NLRP11: variants seen among roughly 807,000 people sequenced by gnomAD.
NLRP11 encodes NLR family pyrin domain containing 11.
Under a neutral mutation model 79.3 loss-of-function variants are expected in NLRP11, and 53 were observed. That is an observed-to-expected ratio of 0.67 (90% CI 0.54 to 0.84). NLRP11 has a LOEUF of 0.84. NLRP11 is among the 40% of genes least tolerant of loss of function. The probability of loss-of-function intolerance (pLI) is 0.00; values close to 1 mark genes in which losing one functional copy is unlikely to be tolerated. For synonymous variants in NLRP11, 518 were observed against 462.6 expected (o/e 1.12, Z -1.54); for missense variants, 1,264 against 1,255.0 (o/e 1.01, Z -0.11).
chr19:55,832,550 T>C (rs1346530450), upstream of NLRP11, among the ~76,000 whole-genome samples: 1 of 152,230 alleles, frequency 6.6e-6, no homozygotes, highest in Admixed American at 6.5e-5. Context: ...TGAAGACTGA[T>C]AGCTCAGTCC....
chr19:55,789,430 G>A, intron 7 of NLRP11, 31 bp from the exon 8 acceptor site: 1 of 1,583,474 alleles, frequency 6.3e-7, no homozygotes, highest in Non-Finnish European at 8.6e-7. Context: ...CTAGAGTCAT[G>A]ACCACCTGTC....
chr19:55,811,202 T>A (rs1023344598), intron 2 of NLRP11, among the ~76,000 whole-genome samples: 1 of 152,120 alleles, frequency 6.6e-6, no homozygotes, highest in Non-Finnish European at 1.5e-5. Context: ...AAGTTAAAAT[T>A]TATCGTAAAG....
At chr19:55,822,655 C>G (rs1203369616) in intron 1 of NLRP11, among the ~76,000 whole-genome samples, 1 of 150,484 alleles carries the variant, frequency 6.6e-6, no homozygotes, top group South Asian at 2.1e-4. Context: ...GGGTGACGGA[C>G]GCACCTGGAA....
intron 1 of NLRP11, among the ~76,000 whole-genome samples, chr19:55,827,286 A>T (rs2122926188): frequency 6.8e-6 from 1 of 146,476 alleles, no homozygotes; most frequent in East Asian, 2.2e-4. Flanking sequence ...AAAGATTTAA[A>T]CGTTAGACCT....
rs200170192 is a variant in NLRP11 at position 55,824,819 on chromosome 19, G to A, written c.-62-6583C>T. 1.4e-4 allele frequency among the ~76,000 whole-genome samples: 14 copies of A among 99,578 alleles called. 1 individual carries two copies. The highest frequency in any genetic ancestry group is 2.9e-4 in the Admixed American group (3 of 10,200). The allele number at this position is 99,578 out of a possible 152,430, so 65.3% of individuals were successfully genotyped here. ...CTCCCACGCATTAATAATGGGAGACGTTAACACCCCACTGTCAACATTAGA... is the reference window on the plus strand; with the variant it reads ...CTCCCACGCATTAATAATGGGAGACATTAACACCCCACTGTCAACATTAGA... On this transcript the variant is annotated intron_variant, in intron 1 of 9. Coordinates refer to ENST00000589093, the Ensembl canonical transcript of NLRP11.
At chr19:55,827,928 ATGACTATAAATCATGC>A (rs1303481866) in intron 1 of NLRP11, among the ~76,000 whole-genome samples, 2 of 151,930 alleles carry the variant, frequency 1.3e-5, no homozygotes, top group Non-Finnish European at 2.9e-5. Context: ...ATATACCCAA[ATGACTATAAATCATGC>A]TGCTATAAAG....
At chr19:55,786,933 T>G (rs1319259959) in intron 9 of NLRP11, among the ~76,000 whole-genome samples, 1 of 152,222 alleles carries the variant, frequency 6.6e-6, no homozygotes, top group Non-Finnish European at 1.5e-5. Flanking sequence ...TCCATATTTA[T>G]GAAAAAATTA....
intron 2 of NLRP11, among the ~76,000 whole-genome samples, chr19:55,814,927 A>G (rs1980943195): frequency 6.6e-6 from 1 of 152,246 alleles, no homozygotes; most frequent in Admixed American, 6.5e-5. Flanking sequence ...AGTGAGCAAG[A>G]GTCCCCACGG....
At chr19:55,788,078 G>T (rs780853537) in intron 9 of NLRP11, among the ~76,000 whole-genome samples, 2 of 152,174 alleles carry the variant, frequency 1.3e-5, no homozygotes, top group African/African-American at 2.4e-5. Context: ...CAAGTTGGTG[G>T]TAACATACTT....
intron 6 of NLRP11, 93 bp downstream of exon 6, chr19:55,795,987 T>C: frequency 2.6e-6 from 3 of 1,155,446 alleles, no homozygotes; most frequent in Non-Finnish European, 3.8e-6. Context: ...TTTGCTTTGC[T>C]GTCCCTTTCC....
chr19:55,796,327 A>AAAG, intron 5 of NLRP11, 77 bp from the exon 6 acceptor site: 3 of 1,170,746 alleles, frequency 2.6e-6, no homozygotes, highest in Non-Finnish European at 3.6e-6. Context: ...AAAAAAAAAA[A>AAAG]AGAGAGACCT....
At chr19:55,794,885 A>G (rs550119683) in intron 6 of NLRP11, among the ~76,000 whole-genome samples, 87 of 152,342 alleles carry the variant, frequency 5.7e-4, no homozygotes, top group African/African-American at 2.0e-3. Context: ...AAAGAATATT[A>G]TATCAGTTTG....
chr19:55,817,411 A>G (rs1479836741), intron 2 of NLRP11, among the ~76,000 whole-genome samples: 3 of 152,116 alleles, frequency 2.0e-5, no homozygotes, highest in Non-Finnish European at 4.4e-5. Context: ...AAAAATATGG[A>G]ACCAGCCCAA....
At chr19:55,796,955 C>A (rs1417022341) in intron 5 of NLRP11, among the ~76,000 whole-genome samples, 1 of 152,146 alleles carries the variant, frequency 6.6e-6, no homozygotes, top group Non-Finnish European at 1.5e-5. Context: ...TCCCAAAGTG[C>A]TGCGATTACA....
chr19:55,803,955 G>A (rs1471032610), intron 4 of NLRP11, among the ~76,000 whole-genome samples: 1 of 152,176 alleles, frequency 6.6e-6, no homozygotes, highest in African/African-American at 2.4e-5. Flanking sequence ...GGTGGTGCAT[G>A]TCTGTAATCC....
intron 2 of NLRP11, among the ~76,000 whole-genome samples, chr19:55,812,294 T>C (rs1460172525): frequency 6.6e-6 from 1 of 152,040 alleles, no homozygotes; most frequent in African/African-American, 2.4e-5. Flanking sequence ...AAACAAAGAA[T>C]TCATTGGAAT....
exon 10 of NLRP11, chr19:55,785,627 A>G (rs1161928646): frequency 6.2e-7 from 1 of 1,612,260 alleles, no homozygotes; most frequent in Admixed American, 1.7e-5. Context: ...CAACATGATC[A>G]AAGGGGTTGC....
At chr19:55,799,399 A>G (rs914104074) in intron 5 of NLRP11, among the ~76,000 whole-genome samples, 2 of 152,230 alleles carry the variant, frequency 1.3e-5, no homozygotes, top group Non-Finnish European at 2.9e-5. Context: ...AACTCATAGA[A>G]GGGGTATAGA....
At chr19:55,791,482 G>A (rs1461495770) in intron 7 of NLRP11, among the ~76,000 whole-genome samples, 1 of 152,174 alleles carries the variant, frequency 6.6e-6, no homozygotes, top group Non-Finnish European at 1.5e-5. Context: ...ATACTGCTGA[G>A]CATATTCTTA....
Sources: gnomAD v4.1 joint callset for allele counts (sites outside exome capture counted in the v4.1 genomes callset) on GRCh38, gnomAD v4.1.1 for gene constraint, MANE v1.5 for transcripts, NCBI Gene and HGNC (gene_info 2026-07-23, HGNC 2026-07-21) for gene names.